NFASC: variants seen among roughly 807,000 people sequenced by gnomAD.
NFASC encodes the protein neurofascin.
Under a neutral mutation model 147.5 loss-of-function variants are expected in NFASC, and 43 were observed. That is an observed-to-expected ratio of 0.29 (90% CI 0.23 to 0.38). The LOEUF is 0.38. Ranked by LOEUF, NFASC falls within the 10% of genes least tolerant of loss-of-function variation. The probability of loss-of-function intolerance (pLI) is 1.00; values close to 1 mark genes in which losing one functional copy is unlikely to be tolerated. For missense variants in NFASC, 1,320 were observed against 1,689.0 expected (o/e 0.78, Z 3.83); for synonymous variants, 622 against 665.5 (o/e 0.93, Z 1.01).
intron 1 of NFASC, among the ~76,000 whole-genome samples, chr1:204,859,354 T>C (rs971343328): frequency 3.4e-4 from 52 of 152,232 alleles, no homozygotes; most frequent in African/African-American, 1.1e-3. Context: ...GATGGGACCA[T>C]CCTTGGGACT....
intron 11 of NFASC, among the ~76,000 whole-genome samples, chr1:204,971,625 T>C (rs1296292706): frequency 6.6e-6 from 1 of 152,150 alleles, no homozygotes; most frequent in East Asian, 1.9e-4. Flanking sequence ...TGCACTCCAT[T>C]GTTGCTTTAC....
In NFASC at chr1:204,920,644, A is replaced by T; in HGVS notation, c.-187A>T. 7.8e-7 allele frequency: 1 copy of T among 1,287,768 alleles called. No individual in the cohort carries two copies. The highest frequency in any genetic ancestry group is 1.0e-6 in the Non-Finnish European group (1 of 987,620). The allele number at this position is 1,287,768 out of a possible 1,614,324, so 79.8% of individuals were successfully genotyped here. A position where few individuals can be genotyped will look rare whatever the true frequency, so the allele number is the denominator to read the frequency against. ...TTGCTTGAGACAGGTTGATTGACTT[A>T]TGTGCAATTTGGGACGCTGGAGTTT... On this transcript the variant is annotated 5_prime_UTR_variant, in exon 2 of 30. It removes an upstream start codon present in the reference 5' UTR. Coordinates refer to ENST00000339876, the MANE Select transcript of NFASC (RefSeq NM_001005388.3).
intron 2 of NFASC, among the ~76,000 whole-genome samples, chr1:204,941,331 T>C (rs1469619558): frequency 6.6e-6 from 1 of 152,264 alleles, no homozygotes; most frequent in African/African-American, 2.4e-5. Flanking sequence ...AATGTGATTA[T>C]CTTGAGATTC....
intron 23 of NFASC, chr1:204,989,844 G>A (rs1283232023): frequency 6.6e-6 from 1 of 152,332 alleles, no homozygotes; most frequent in African/African-American, 2.4e-5. Context: ...CCAGAGAAGA[G>A]GTGATGTGAG....
intron 1 of NFASC, among the ~76,000 whole-genome samples, chr1:204,838,018 A>G (rs2102444777): frequency 6.6e-6 from 1 of 152,260 alleles, no homozygotes; most frequent in South Asian, 2.1e-4. Context: ...ATCCCACAGA[A>G]CACCTAAAGC....
At chr1:204,928,705 AAG>A in intron 2 of NFASC, among the ~76,000 whole-genome samples, 1 of 152,336 alleles carries the variant, frequency 6.6e-6, no homozygotes, top group Middle Eastern at 3.4e-3. Context: ...AGTTACAACA[AAG>A]AACACAGACG....
In NFASC at chr1:205,008,664, G is replaced by A. The variant is rs936949741; in HGVS notation, c.3290-893G>A. ...ACCCTCAGGTGACTCCTTAGCACCT[G>A]TACTTCAGGCCGTCCTGCAGGCCTT... On this transcript the variant is annotated intron_variant, in intron 27 of 29. Transcript: ENST00000339876. 2.6e-5 allele frequency: 4 copies of A among 152,784 alleles called. No homozygotes were observed. In the East Asian group the frequency reaches 5.8e-4, roughly 22 times the overall value. 9.5% of individuals were successfully genotyped at this position (152,784 alleles called of 1,614,324 possible).
At chr1:205,012,975 C>T (rs1401158002) in intron 29 of NFASC, 109 bp downstream of exon 29, 2 of 781,662 alleles carry the variant, frequency 2.6e-6, no homozygotes, top group Non-Finnish European at 2.2e-6. Flanking sequence ...GAGTAGCTGT[C>T]CTTGCCCATT....
chr1:204,936,198 CTT>C lies in NFASC; in HGVS notation c.-90-8024_-90-8023del, dbSNP rs749844237. The stretch of plus-strand genomic sequence containing the variant: ...TAACAGATTCCCTCTCTCTCTCTTT[CTT>C]TTTCTTTTTTTTTTTTTTTGAGATG... On this transcript the variant is annotated intron_variant, in intron 2 of 29. Coordinates refer to ENST00000339876, the MANE Select transcript of NFASC (RefSeq NM_001005388.3). 1.5e-3 allele frequency among the ~76,000 whole-genome samples: 105 copies of C among 71,894 alleles called. 3 individuals carry two copies. Among genetic ancestry groups the C allele is most frequent in the African/African-American group, 6.3e-3 (100 of 15,762 alleles). The allele number at this position is 71,894 out of a possible 152,430, so 47.2% of individuals were successfully genotyped here. A position where few individuals can be genotyped will look rare whatever the true frequency, so the allele number is the denominator to read the frequency against.
intron 16 of NFASC, chr1:204,977,177 C>T: frequency 9.7e-7 from 1 of 1,025,896 alleles, no homozygotes; most frequent in Non-Finnish European, 1.2e-6. Context: ...TTCCAATGAC[C>T]TCTGCCAGCC....
intron 1 of NFASC, among the ~76,000 whole-genome samples, chr1:204,894,594 T>C (rs528454808): frequency 6.6e-6 from 1 of 152,342 alleles, no homozygotes; most frequent in Admixed American, 6.5e-5. Context: ...TTCTTTCTAG[T>C]TGGGATGCTA....
intron 1 of NFASC, among the ~76,000 whole-genome samples, chr1:204,899,760 C>T (rs1042697448): frequency 2.6e-5 from 4 of 152,186 alleles, no homozygotes; most frequent in African/African-American, 9.7e-5. Context: ...GCAAGTTCTC[C>T]ATTTTCCCAT....
At chr1:204,904,092 CGT>C (rs973142858) in intron 1 of NFASC, among the ~76,000 whole-genome samples, 1 of 152,010 alleles carries the variant, frequency 6.6e-6, no homozygotes, top group Non-Finnish European at 1.5e-5. Flanking sequence ...TCGAGTTTTT[CGT>C]GTGTGTGTTT....
chr1:204,987,192 G>T lies in NFASC; in HGVS notation c.2471-226G>T, dbSNP rs2095632744. On this transcript the variant is annotated intron_variant, in intron 21 of 29. Transcript: ENST00000339876. The surrounding 1 kb of genome is among the most constrained non-coding windows in gnomAD (Gnocchi z 4.4). The stretch of plus-strand genomic sequence containing the variant: ...GATTTACTTCTTCCTCTCTTAAATA[G>T]CAGAGTCTGAGCTATGTTTGTCCTC... 1 of 559,728 alleles carries T rather than the reference G, an allele frequency of 1.8e-6. No individual in the cohort carries two copies. The highest frequency in any genetic ancestry group is 2.4e-5 in the South Asian group (1 of 41,340). The allele number at this position is 559,728 out of a possible 1,614,324, so 34.7% of individuals were successfully genotyped here.
rs1372022712 is a variant in NFASC, at chr1:205,015,610, A to G, written c.3492-698A>G. Among the ~76,000 whole-genome samples, 1 of 151,960 alleles carries G rather than the reference A, an allele frequency of 6.6e-6. No individual in the cohort carries two copies. The highest frequency in any genetic ancestry group is 1.5e-5 in the Non-Finnish European group (1 of 67,998). On this transcript the variant is annotated intron_variant, in intron 29 of 29. Coordinates refer to ENST00000339876, the MANE Select transcript of NFASC (RefSeq NM_001005388.3). This position sits in a 1 kb window ranked among gnomAD's most constrained non-coding sequence, Gnocchi z 4.0. The stretch of plus-strand genomic sequence containing the variant: ...TGGGCCTCAGAAGGGGCTGGGCATG[A>G]TCCTCTGAGCCTTGCTGTCTTCTCA...
At chr1:204,840,518 C>T (rs550778886) in intron 1 of NFASC, among the ~76,000 whole-genome samples, 2 of 152,342 alleles carry the variant, frequency 1.3e-5, no homozygotes, top group Admixed American at 1.3e-4. Flanking sequence ...CAGCATATTA[C>T]TAACACCTGC....
In NFASC at chr1:204,895,611, TA is replaced by T. The variant is rs2083248464; in HGVS notation, c.-199-25019del. On this transcript the variant is annotated intron_variant, in intron 1 of 29. Transcript: ENST00000339876. The stretch of plus-strand genomic sequence containing the variant: ...GATTTCAGCTTACAAAGATGGGCTT[TA>T]AGATGTGATCTCCAGAAATGCATTG... 3.3e-5 allele frequency among the ~76,000 whole-genome samples: 5 copies of T among 152,258 alleles called. No individual in the cohort carries two copies. In the South Asian group the frequency reaches 1.0e-3, roughly 31 times the overall value.
chr1:204,846,212 AAG>A (rs1676993913), intron 1 of NFASC, among the ~76,000 whole-genome samples: 1 of 151,864 alleles, frequency 6.6e-6, no homozygotes, highest in Non-Finnish European at 1.5e-5. Flanking sequence ...AAAAAAAAAA[AAG>A]AGGGCCAGGG....
At chr1:204,965,242 A>G (rs2094883480) in intron 8 of NFASC, among the ~76,000 whole-genome samples, 1 of 152,168 alleles carries the variant, frequency 6.6e-6, no homozygotes, top group Admixed American at 6.5e-5. Context: ...CCATGATAAG[A>G]TGAGACAGTC....
Sources: gnomAD v4.1 joint callset for allele counts (sites outside exome capture counted in the v4.1 genomes callset) on GRCh38, gnomAD v4.1.1 for gene constraint, Gnocchi (gnomAD v3.1) non-coding constraint, MANE v1.5 for transcripts, NCBI Gene and HGNC (gene_info 2026-07-23, HGNC 2026-07-21) for gene names.